Variants in MAST4 observed in about 807,000 individuals in gnomAD.
MAST4 encodes microtubule associated serine/threonine kinase family member 4.
A neutral mutation model predicts 162.7 loss-of-function variants in MAST4; 89 were observed. The observed-to-expected ratio is 0.55, with a 90% CI of 0.46 to 0.65. The LOEUF is 0.65. Ranked by LOEUF, MAST4 falls within the 30% of genes least tolerant of loss-of-function variation. MAST4 has a pLI of 0.00. For missense variants in MAST4, 3,153 were observed against 3,374.0 expected, an observed-to-expected ratio of 0.93 and a Z score of 1.62; for synonymous variants, 1,479 against 1,361.1, an observed-to-expected ratio of 1.09 and a Z score of -1.91.
At chr5:66,616,280 A>G (rs1416703567) in intron 1 of MAST4, among the ~76,000 whole-genome samples, 1 of 151,890 alleles carries the variant, frequency 6.6e-6, no homozygotes, top group African/African-American at 2.4e-5. Flanking sequence ...ACCACCCCCT[A>G]CCTCCCAAGC....
At chr5:66,936,328 A>G (rs532638972) in intron 4 of MAST4, among the ~76,000 whole-genome samples, 2 of 152,286 alleles carry the variant, frequency 1.3e-5, no homozygotes, top group South Asian at 2.1e-4. Context: ...CACCTGTACA[A>G]TGGAAATGGT....
chr5:66,778,311 C>T (rs997755509), intron 2 of MAST4, among the ~76,000 whole-genome samples: 10 of 152,154 alleles, frequency 6.6e-5, no homozygotes, highest in South Asian at 6.2e-4. Flanking sequence ...TGCCACCTGA[C>T]GGACAACTGC....
chr5:67,060,847 C>T lies in MAST4; in HGVS notation c.763+6355C>T, dbSNP rs184883296. On this transcript the variant is annotated intron_variant, in intron 5 of 28. Coordinates refer to ENST00000403625, the MANE Select transcript of MAST4 (RefSeq NM_001164664.2). Reference sequence around the variant, plus strand: ...AACCTTGGAAGATGTGTAGTTGGGCCGTAAGGGATTTAGTAAAACCTGAAA... The same window carrying T: ...AACCTTGGAAGATGTGTAGTTGGGCTGTAAGGGATTTAGTAAAACCTGAAA... 2.3e-3 allele frequency among the ~76,000 whole-genome samples: 351 copies of T among 152,122 alleles called. 4 individuals carry two copies. Among genetic ancestry groups the T allele is most frequent in the African/African-American group, 7.6e-3 (317 of 41,452 alleles).
intron 4 of MAST4, among the ~76,000 whole-genome samples, chr5:66,996,716 C>T (rs1258030326): frequency 1.3e-5 from 2 of 152,196 alleles, no homozygotes; most frequent in Non-Finnish European, 2.9e-5. Context: ...CCTAGCATCT[C>T]ATTTCAGTGC....
At chr5:66,839,656 T>C (rs1758279710) in intron 3 of MAST4, among the ~76,000 whole-genome samples, 1 of 152,188 alleles carries the variant, frequency 6.6e-6, no homozygotes, top group Non-Finnish European at 1.5e-5. Flanking sequence ...AATACAGTTT[T>C]TGAAAGGCAG....
chr5:66,873,361 CTT>C (rs1360153739), intron 3 of MAST4, among the ~76,000 whole-genome samples: 2 of 152,194 alleles, frequency 1.3e-5, no homozygotes, highest in African/African-American at 4.8e-5. Context: ...TATAAGCACA[CTT>C]TGCTTAGATT....
chr5:66,949,306 A>G (rs926014182), intron 4 of MAST4, among the ~76,000 whole-genome samples: 4 of 152,144 alleles, frequency 2.6e-5, no homozygotes, highest in South Asian at 2.1e-4. Context: ...CTTGAATTGT[A>G]ATGATCCCTA....
intron 5 of MAST4, among the ~76,000 whole-genome samples, chr5:67,083,842 CTG>C: frequency 6.6e-6 from 1 of 152,262 alleles, no homozygotes; most frequent in African/African-American, 2.4e-5. Flanking sequence ...AATCTCTTCT[CTG>C]TTGCTAGGAA....
At chr5:66,662,235 C>A (rs1457359352) in intron 1 of MAST4, 1 of 152,024 alleles carries the variant, frequency 6.6e-6, no homozygotes, top group Non-Finnish European at 1.5e-5. Flanking sequence ...AAAAAACACA[C>A]ACAACACTCT....
intron 1 of MAST4, among the ~76,000 whole-genome samples, chr5:66,708,188 A>G (rs959755174): frequency 1.3e-5 from 2 of 152,100 alleles, no homozygotes; most frequent in Non-Finnish European, 2.9e-5. Flanking sequence ...GCTTGCTTTT[A>G]TTTGCGGAAA....
At chr5:67,007,669 C>T (rs938275735) in intron 4 of MAST4, among the ~76,000 whole-genome samples, 16 of 152,186 alleles carry the variant, frequency 1.1e-4, no homozygotes, top group Non-Finnish European at 2.1e-4. Flanking sequence ...CACACTTAAA[C>T]GAGAGCTTGA....
chr5:66,892,157 C>T (rs141433758), intron 3 of MAST4, among the ~76,000 whole-genome samples: 1 of 152,332 alleles, frequency 6.6e-6, no homozygotes, highest in Non-Finnish European at 1.5e-5. Context: ...AAACCAATTA[C>T]TTTGATGAAA....
At chr5:67,130,912 A>G (rs1768893083) in intron 15 of MAST4, among the ~76,000 whole-genome samples, 1 of 152,080 alleles carries the variant, frequency 6.6e-6, no homozygotes, top group African/African-American at 2.4e-5. Flanking sequence ...TACCTTTTCA[A>G]TGCTCCAAGT....
chr5:67,043,057 A>C (rs1350979647), intron 4 of MAST4, among the ~76,000 whole-genome samples: 1 of 152,148 alleles, frequency 6.6e-6, no homozygotes, highest in Non-Finnish European at 1.5e-5. Context: ...GAATGTCATA[A>C]AAGGAGATTT....
At chr5:66,989,039 TCCCCAG>T (rs1202848148) in intron 4 of MAST4, among the ~76,000 whole-genome samples, 2 of 152,166 alleles carry the variant, frequency 1.3e-5, no homozygotes, top group African/African-American at 2.4e-5. Context: ...TCATGAGAAT[TCCCCAG>T]TGTGTGTGAG....
chr5:66,947,538 G>A (rs1366623353), intron 4 of MAST4, among the ~76,000 whole-genome samples: 1 of 152,048 alleles, frequency 6.6e-6, no homozygotes, highest in African/African-American at 2.4e-5. Context: ...CTAGATATTG[G>A]AAGCTAACCT....
At chr5:67,055,922 C>A (rs888061026) in intron 5 of MAST4, among the ~76,000 whole-genome samples, 4 of 151,234 alleles carry the variant, frequency 2.6e-5, no homozygotes, top group South Asian at 2.1e-4. Flanking sequence ...TGTTGGACAA[C>A]AAAAGCGAGT....
intron 11 of MAST4, among the ~76,000 whole-genome samples, chr5:67,110,588 T>G (rs1218948784): frequency 2.0e-5 from 3 of 152,242 alleles, no homozygotes; most frequent in Non-Finnish European, 4.4e-5. Context: ...AATAGTGACC[T>G]GTGATTTATA....
At chr5:67,128,508 C>T (rs960344065) in intron 14 of MAST4, among the ~76,000 whole-genome samples, 1 of 151,192 alleles carries the variant, frequency 6.6e-6, no homozygotes, top group African/African-American at 2.4e-5. Context: ...ATGTTTAGAC[C>T]GAGACAAAAA....
Sources: allele counts gnomAD v4.1 joint callset (sites outside exome capture counted in the v4.1 genomes callset), GRCh38; gene constraint gnomAD v4.1.1; transcripts MANE v1.5; gene names NCBI Gene and HGNC (gene_info 2026-07-23, HGNC 2026-07-21).